Variants in ZNF439 observed in about 807,000 individuals in gnomAD.
ZNF439 encodes the protein zinc finger protein 439.
Under a neutral mutation model 47.3 loss-of-function variants are expected in ZNF439, and 40 were observed. The observed-to-expected ratio is 0.85, with a 90% CI of 0.66 to 1.10. The LOEUF (loss-of-function observed/expected upper bound fraction) is 1.10. ZNF439 is among the 50% of genes least tolerant of loss of function. The pLI is 0.00. For synonymous variants in ZNF439, 171 were observed against 198.8 expected, an observed-to-expected ratio of 0.86 and a Z score of 1.18; for missense variants, 556 against 601.1, an observed-to-expected ratio of 0.93 and a Z score of 0.78.
Position 11,866,224 on chromosome 19 carries a change from A to T in ZNF439, c.83A>T (p.Asp28Val), listed in dbSNP as rs1440070312. The change falls in exon 2 of 4, where the codon GAT (aspartate) becomes GTT (valine). Residue 28 changes from aspartate to valine, a missense_variant. Transcript: ENST00000682736. Reference protein sequence around the residue: ...SREMDPVAFKDVAVNFTQEEW... With the variant: ...SREMDPVAFKVVAVNFTQEEW... ...TTTCAGGACCCAGTGGCTTTTAAGGATGTGGCTGTGAACTTCACCCAGGAG... is the reference window on the plus strand; with the variant it reads ...TTTCAGGACCCAGTGGCTTTTAAGGTTGTGGCTGTGAACTTCACCCAGGAG... The T allele has an allele frequency of 6.8e-6, 11 of 1,613,986 alleles. No homozygotes were observed. The highest frequency in any genetic ancestry group is 2.2e-5 in the East Asian group (1 of 44,884).
In ZNF439 at chr19:11,848,812, C is replaced by A; in HGVS notation, c.-56C>A. 2 of 1,476,288 alleles carry A rather than the reference C, an allele frequency of 1.4e-6. No individual in the cohort carries two copies. The highest frequency in any genetic ancestry group is 1.8e-6 in the Non-Finnish European group (2 of 1,097,974). The allele number at this position is 1,476,288 out of a possible 1,614,324, so 91.4% of individuals were successfully genotyped here. ...GGCGGTTGGGATCTGGCCTTTCCAG[C>A]CCCGAGAGGGACCTAGTGCCTCTAC... On this transcript the variant is annotated 5_prime_UTR_variant, in exon 1 of 4. Transcript: ENST00000682736.
intron 1 of ZNF439, among the ~76,000 whole-genome samples, chr19:11,855,308 G>C (rs1400015266): frequency 6.6e-6 from 1 of 152,202 alleles, no homozygotes; most frequent in Non-Finnish European, 1.5e-5. Context: ...TGGGTCCATG[G>C]AGGGGGGTAG....
At chr19:11,849,186 C>A (rs961010111) in intron 1 of ZNF439, 8 of 1,075,818 alleles carry the variant, frequency 7.4e-6, no homozygotes, top group Non-Finnish European at 7.9e-6. Context: ...CCCGACGCCC[C>A]AGCTTGTGCG....
chr19:11,866,453 T>A, intron 2 of ZNF439, 84 bp from the exon 3 acceptor site: 1 of 1,602,004 alleles, frequency 6.2e-7, no homozygotes, highest in African/African-American at 1.3e-5. Context: ...GAGGCATGGC[T>A]GCTGTAAATC....
At chr19:11,864,588 C>T (rs572954798) in intron 1 of ZNF439, among the ~76,000 whole-genome samples, 2 of 152,244 alleles carry the variant, frequency 1.3e-5, no homozygotes, top group Middle Eastern at 3.4e-3. Context: ...TAAGCCAACA[C>T]GCCTGGCTGC....
chr19:11,858,487 G>GTC, intron 1 of ZNF439, among the ~76,000 whole-genome samples: 1 of 150,646 alleles, frequency 6.6e-6, no homozygotes, highest in South Asian at 2.1e-4. Context: ...AAAAAAAGGG[G>GTC]GTCTATTGCT....
At chr19:11,854,657 C>T (rs1049296975) in intron 1 of ZNF439, among the ~76,000 whole-genome samples, 1 of 152,018 alleles carries the variant, frequency 6.6e-6, no homozygotes, top group East Asian at 1.9e-4. Context: ...ACTCAGGAGG[C>T]TGAGGCAGGA....
At chr19:11,864,991 A>C (rs1193759283) in intron 1 of ZNF439, among the ~76,000 whole-genome samples, 1 of 151,844 alleles carries the variant, frequency 6.6e-6, no homozygotes, top group Non-Finnish European at 1.5e-5. Context: ...TGTTGGTCAC[A>C]CTGGTCTTGA....
At chr19:11,852,351 A>G (rs1330517638) in intron 1 of ZNF439, among the ~76,000 whole-genome samples, 3 of 152,248 alleles carry the variant, frequency 2.0e-5, no homozygotes, top group African/African-American at 2.4e-5. Context: ...TTTATAAAAC[A>G]GTATAGGTAA....
At chr19:11,864,508 G>A (rs376603839) in intron 1 of ZNF439, among the ~76,000 whole-genome samples, 5 of 152,252 alleles carry the variant, frequency 3.3e-5, no homozygotes, top group Non-Finnish European at 1.5e-5. Flanking sequence ...TGTTAGCCAG[G>A]CTGGTCTCAC....
Position 11,867,311 on chromosome 19 carries a change from TC to T in ZNF439, c.258del (p.Thr87GlnfsTer26). 1 of 1,609,306 alleles carries T rather than the reference TC, an allele frequency of 6.2e-7. No individual in the cohort carries two copies. The highest frequency in any genetic ancestry group is 2.2e-5 in the East Asian group (1 of 44,860). ...YQNPRRNFRS[V>X]TEEKVNEIKE... ...TTGTTTCTCATTTTTGACAGGAGTG[TC>T]ACAGAAGAGAAAGTCAATGAAATTA... On this transcript the variant is annotated frameshift_variant, in exon 4 of 4. Coordinates refer to ENST00000682736, the MANE Select transcript of ZNF439 (RefSeq NM_001348719.2). LOFTEE classifies it high-confidence loss of function.
At chr19:11,866,081 A>G in intron 1 of ZNF439, 124 bp from the exon 2 acceptor site, 3 of 1,538,344 alleles carry the variant, frequency 2.0e-6, no homozygotes, top group Non-Finnish European at 2.6e-6. Flanking sequence ...AAGGGATCTG[A>G]TGACCAAAGC....
chr19:11,856,042 C>A (rs1039215160), intron 1 of ZNF439: 4 of 152,248 alleles, frequency 2.6e-5, no homozygotes, highest in African/African-American at 9.6e-5. Flanking sequence ...ACAAGCATAC[C>A]TTCATCCCCA....
In ZNF439 at chr19:11,868,497, A is replaced by G; in HGVS notation, c.1443A>G (p.Arg481=). Residue 481 remains arginine, a synonymous_variant, in exon 4 of 4, where the codon AGA becomes AGG. Transcript: ENST00000682736. ...GTAAGAAATGTGGGAAAGCCTTCAG[A>G]TATGTCCAGAACTTTCGATTTCATG... ...YECKKCGKAF[R]YVQNFRFHER... 1 of 1,612,150 alleles carries G rather than the reference A, an allele frequency of 6.2e-7. No homozygotes were observed. The highest frequency in any genetic ancestry group is 1.1e-5 in the South Asian group (1 of 90,982).
chr19:11,857,890 C>T (rs1976429612), intron 1 of ZNF439: 2 of 152,168 alleles, frequency 1.3e-5, no homozygotes, highest in African/African-American at 4.8e-5. Context: ...TCCATTTAGT[C>T]AAAGCCTGCT....
chr19:11,849,034 C>T (rs1042154030), intron 1 of ZNF439, 104 bp downstream of exon 1: 2 of 1,290,458 alleles, frequency 1.5e-6, no homozygotes, highest in African/African-American at 1.6e-5. Flanking sequence ...ACCGAGTCCT[C>T]CTAGAGCTGC....
chr19:11,868,374 G>A lies in ZNF439; in HGVS notation c.1320G>A (p.Glu440=), dbSNP rs1423547333. The A allele has an allele frequency of 6.2e-7, 1 of 1,605,994 alleles. No homozygotes were observed. Among genetic ancestry groups the A allele is most frequent in the South Asian group, 1.1e-5 (1 of 90,944 alleles). The change falls in exon 4 of 4, where the codon GAG becomes GAA. Residue 440 remains glutamate, a synonymous_variant. Coordinates refer to ENST00000682736, the MANE Select transcript of ZNF439 (RefSeq NM_001348719.2). ...TGCATGGTAGGACTCACACTGGAGA[G>A]AAACCGTATCAATGTAAGGAATGTG... ...LQLHGRTHTG[E]KPYQCKECGK...
chr19:11,861,649 T>G (rs1976543955), intron 1 of ZNF439, among the ~76,000 whole-genome samples: 1 of 152,252 alleles, frequency 6.6e-6, no homozygotes, highest in South Asian at 2.1e-4. Flanking sequence ...CTTCTGGATT[T>G]TCTCAACTGT....
At chr19:11,851,860 C>T (rs1186339363) in intron 1 of ZNF439, among the ~76,000 whole-genome samples, 1 of 152,066 alleles carries the variant, frequency 6.6e-6, no homozygotes, top group Non-Finnish European at 1.5e-5. Flanking sequence ...ATTGCCCAGG[C>T]TTGTCTCTAG....
Sources: allele counts gnomAD v4.1 joint callset (sites outside exome capture counted in the v4.1 genomes callset), GRCh38; gene constraint gnomAD v4.1.1; transcripts MANE v1.5; gene names NCBI Gene and HGNC (gene_info 2026-07-23, HGNC 2026-07-21).